The following ALPK2 variants were observed in gnomAD, a reference collection of about 807,000 sequenced individuals.
ALPK2 encodes alpha kinase 2.
A neutral mutation model predicts 163.1 loss-of-function variants in ALPK2; 127 were observed. The ratio of observed to expected loss-of-function variants is 0.78; its 90% CI spans 0.67 to 0.90. ALPK2 has a LOEUF of 0.90. Among genes scored for constraint, ALPK2 ranks in the 40% least tolerant of loss-of-function variants. The probability of loss-of-function intolerance (pLI) is 0.00; values close to 1 mark genes in which losing one functional copy is unlikely to be tolerated. For missense variants in ALPK2, 2,360 were observed against 2,589.6 expected (o/e 0.91, Z 1.92); for synonymous variants, 953 against 959.1 (o/e 0.99, Z 0.12).
intron 4 of ALPK2, among the ~76,000 whole-genome samples, chr18:58,568,679 T>A (rs1268002848): frequency 6.6e-6 from 1 of 152,220 alleles, no homozygotes; most frequent in Non-Finnish European, 1.5e-5. Flanking sequence ...CTTTACTGAA[T>A]GTGTACAGAC....
chr18:58,487,978 A>C (rs1055872887), intron 12 of ALPK2, among the ~76,000 whole-genome samples: 3 of 152,122 alleles, frequency 2.0e-5, no homozygotes, highest in Non-Finnish European at 4.4e-5. Flanking sequence ...TAAAATGCTG[A>C]TTTGGATTCA....
intron 4 of ALPK2, among the ~76,000 whole-genome samples, chr18:58,542,763 C>T (rs979824626): frequency 6.6e-6 from 1 of 152,134 alleles, no homozygotes; most frequent in Non-Finnish European, 1.5e-5. Context: ...AGCAATAGAC[C>T]TCCCTTCCAA....
At chr18:58,599,784 C>T (rs1457750849) in intron 3 of ALPK2, among the ~76,000 whole-genome samples, 1 of 152,134 alleles carries the variant, frequency 6.6e-6, no homozygotes, top group East Asian at 1.9e-4. Context: ...ATCCCCACAA[C>T]AACCCTATTA....
intron 3 of ALPK2, among the ~76,000 whole-genome samples, chr18:58,584,880 G>A (rs777383665): frequency 1.3e-5 from 2 of 152,178 alleles, no homozygotes; most frequent in Non-Finnish European, 2.9e-5. Context: ...TTTGCAGCAT[G>A]CTGGCAGAGA....
rs759685265 is a variant in ALPK2, at chr18:58,579,200, A to G, written c.1576T>C (p.Trp526Arg). Residue 526 changes from tryptophan to arginine, a missense_variant, in exon 4 of 13, where the codon TGG (tryptophan) becomes CGG (arginine). By Grantham distance (101) the Trp-to-Arg change is moderately radical. Coordinates refer to ENST00000361673, the MANE Select transcript of ALPK2 (RefSeq NM_052947.4). ...ADKRVGGKDL[W>R]SKRGSRKSAR... ...GATTTCCTTGAACCCCTCTTGCTCCATAAGTCCTTTCCCCCCACTCTCTTG... is the reference window on the plus strand; with the variant it reads ...GATTTCCTTGAACCCCTCTTGCTCCGTAAGTCCTTTCCCCCCACTCTCTTG... 7 of 1,613,918 alleles carry G rather than the reference A, an allele frequency of 4.3e-6. No homozygotes were observed. The highest frequency in any genetic ancestry group is 5.9e-6 in the Non-Finnish European group (7 of 1,179,976).
At position 58,607,432 on chromosome 18, in the gene ALPK2, G is replaced by A; in HGVS notation, c.117C>T (p.Pro39=). The change falls in exon 3 of 13, where the codon CCC becomes CCT. Residue 39 remains proline (P), a synonymous_variant. Coordinates refer to ENST00000361673, the MANE Select transcript of ALPK2 (RefSeq NM_052947.4). ...AVLRCIISGQ[P]KPEVTWYKNG... ...TCTTATACCAAGTTACCTCTGGCTT[G>A]GGCTGACCTGACAATAAAGAAAGAA... The A allele has an allele frequency of 1.9e-6, 3 of 1,600,880 alleles. No individual in the cohort carries two copies. The highest frequency in any genetic ancestry group is 2.6e-6 in the Non-Finnish European group (3 of 1,175,052).
chr18:58,628,504 T>C (rs2052243226), intron 1 of ALPK2, among the ~76,000 whole-genome samples: 1 of 152,242 alleles, frequency 6.6e-6, no homozygotes, highest in East Asian at 1.9e-4. Context: ...TCATTCATTA[T>C]TGTCAAGCCA....
intron 3 of ALPK2, among the ~76,000 whole-genome samples, chr18:58,601,692 A>G (rs957803676): frequency 2.0e-5 from 3 of 152,262 alleles, no homozygotes; most frequent in African/African-American, 7.2e-5. Context: ...CGGGCCTGTC[A>G]GGGAAACCAC....
chr18:58,614,943 T>C (rs2052157420), intron 1 of ALPK2, among the ~76,000 whole-genome samples: 2 of 151,660 alleles, frequency 1.3e-5, no homozygotes, highest in Admixed American at 1.3e-4. Context: ...AGGCAATCAC[T>C]AATCTACTTT....
intron 4 of ALPK2, among the ~76,000 whole-genome samples, chr18:58,549,132 G>A (rs1314648011): frequency 6.6e-6 from 1 of 152,206 alleles, no homozygotes; most frequent in Non-Finnish European, 1.5e-5. Context: ...AGAGAGAGAA[G>A]CATCTTTTGT....
At chr18:58,555,480 G>C (rs2051785555) in intron 4 of ALPK2, among the ~76,000 whole-genome samples, 1 of 152,196 alleles carries the variant, frequency 6.6e-6, no homozygotes, top group Admixed American at 6.5e-5. Context: ...ATTCAGACTT[G>C]TTCCAAGCTG....
chr18:58,540,892 C>T (rs1479752552), intron 4 of ALPK2, among the ~76,000 whole-genome samples: 7 of 152,234 alleles, frequency 4.6e-5, no homozygotes, highest in South Asian at 2.1e-4. Context: ...TTTATTCTTC[C>T]GTGATTGATT....
At chr18:58,585,899 G>A (rs2051984538) in intron 3 of ALPK2, among the ~76,000 whole-genome samples, 1 of 152,084 alleles carries the variant, frequency 6.6e-6, no homozygotes, top group African/African-American at 2.4e-5. Flanking sequence ...GGCCAGGCTG[G>A]TCTCAAACTC....
intron 10 of ALPK2, chr18:58,511,679 C>G (rs2051491191): frequency 6.6e-6 from 1 of 152,184 alleles, no homozygotes; most frequent in Admixed American, 6.5e-5. Context: ...AATTTAAAAG[C>G]TATAAAATAT....
intron 6 of ALPK2, among the ~76,000 whole-genome samples, chr18:58,526,636 G>A (rs4464161): frequency 0.41 from 62,842 of 151,950 alleles, 14,091 homozygotes; most frequent in Non-Finnish European, 0.51. Flanking sequence ...GCACCAGAGG[G>A]TGCCACCTTG....
intron 9 of ALPK2, among the ~76,000 whole-genome samples, chr18:58,516,320 T>C (rs1197205506): frequency 6.6e-6 from 1 of 152,028 alleles, no homozygotes; most frequent in Non-Finnish European, 1.5e-5. Context: ...TGCCCTATCC[T>C]CTCACCTCGA....
Position 58,481,707 on chromosome 18 carries a change from G to C in ALPK2, c.*116C>G, listed in dbSNP as rs1568061775. 1 of 791,560 alleles carries C rather than the reference G, an allele frequency of 1.3e-6. No homozygotes were observed. Among genetic ancestry groups the C allele is most frequent in the South Asian group, 1.7e-5 (1 of 58,532 alleles). 49.0% of individuals were successfully genotyped at this position (791,560 alleles called of 1,614,324 possible). Reference sequence around the variant, plus strand: ...AGCATCTTGGCGCACAGTCGGCTGGGAGTAAGGATTGCCACGCACTCTCTG... The same window carrying C: ...AGCATCTTGGCGCACAGTCGGCTGGCAGTAAGGATTGCCACGCACTCTCTG... On this transcript the variant is annotated 3_prime_UTR_variant, in exon 13 of 13. Transcript: ENST00000361673.
chr18:58,515,207 G>A (rs1568071574), intron 9 of ALPK2, 126 bp from the exon 10 acceptor site: 1 of 664,296 alleles, frequency 1.5e-6, no homozygotes, highest in Non-Finnish European at 2.4e-6. Context: ...CCATCCCCTG[G>A]TTGGGGTCAC....
At chr18:58,594,558 C>T (rs1054915471) in intron 3 of ALPK2, among the ~76,000 whole-genome samples, 5 of 152,138 alleles carry the variant, frequency 3.3e-5, no homozygotes, top group Non-Finnish European at 5.9e-5. Context: ...AAGCCATGGC[C>T]GGCAGCCCCA....
Sources: allele counts gnomAD v4.1 joint callset (sites outside exome capture counted in the v4.1 genomes callset), GRCh38; gene constraint gnomAD v4.1.1; transcripts MANE v1.5; gene names NCBI Gene and HGNC (gene_info 2026-07-23, HGNC 2026-07-21).